TNRC18: variants seen among roughly 807,000 people sequenced by gnomAD.
TNRC18 encodes the protein trinucleotide repeat-containing gene 18 protein.
Under a neutral mutation model 226.7 loss-of-function variants are expected in TNRC18, and 69 were observed. The observed-to-expected ratio is 0.30, with a 90% confidence interval of 0.25 to 0.37. The LOEUF (loss-of-function observed/expected upper bound fraction) is 0.37, where lower values mean the gene tolerates loss of function less well. Ranked by LOEUF, TNRC18 falls within the 10% of genes least tolerant of loss-of-function variation. The probability of loss-of-function intolerance (pLI) is 1.00; values close to 1 mark genes in which losing one functional copy is unlikely to be tolerated. For synonymous variants in TNRC18, 2,449 were observed against 1,927.6 expected, an observed-to-expected ratio of 1.27 and a Z score of -7.09; for missense variants, 4,754 against 4,256.6, an observed-to-expected ratio of 1.12 and a Z score of -3.25.
At chr7:5,382,914 T>G (rs10281189) in intron 5 of TNRC18, among the ~76,000 whole-genome samples, 34,960 of 151,832 alleles carry the variant, frequency 0.23, 8,033 homozygotes, top group African/African-American at 0.6. Flanking sequence ...ATTTTTGGGG[T>G]GGGGGCAGGA....
At chr7:5,353,781 G>A (rs777629421) in intron 16 of TNRC18, among the ~76,000 whole-genome samples, 1 of 152,128 alleles carries the variant, frequency 6.6e-6, no homozygotes, top group Non-Finnish European at 1.5e-5. Context: ...GCAGAGCCAG[G>A]TGAATCCCAC....
rs1163999164 is a variant in TNRC18, at chr7:5,371,259, G to A, written c.3335C>T (p.Pro1112Leu). Reference sequence around the variant, plus strand: ...CCCATCAGCCGGGAGCGGCACATCAGGGGCCAAGCCGTCCGCGTCGGCGGC... The same window carrying A: ...CCCATCAGCCGGGAGCGGCACATCAAGGGCCAAGCCGTCCGCGTCGGCGGC... ...TAAADADGLA[P>L]DVPLPADGPE... is the part of the protein sequence containing the mutation. The change falls in exon 11 of 30, where the codon CCT (proline) becomes CTT (leucine). Residue 1112 changes from proline to leucine, a missense_variant. Pro to Leu is a moderately conservative substitution (Grantham distance 98). Transcript: ENST00000430969. The A allele has an allele frequency of 1.3e-6, 2 of 1,599,034 alleles. No individual in the cohort carries two copies. The highest frequency in any genetic ancestry group is 8.5e-7 in the Non-Finnish European group (1 of 1,171,514).
intron 5 of TNRC18, among the ~76,000 whole-genome samples, chr7:5,383,310 C>T (rs994912826): frequency 2.0e-5 from 3 of 152,154 alleles, no homozygotes; most frequent in Non-Finnish European, 4.4e-5. Context: ...GTCCAAGGCC[C>T]CCTGAGGCCA....
chr7:5,375,601 A>G (rs1445528763), intron 9 of TNRC18, among the ~76,000 whole-genome samples: 1 of 151,818 alleles, frequency 6.6e-6, no homozygotes, highest in Non-Finnish European at 1.5e-5. Flanking sequence ...TGTGTCCCCT[A>G]TCTTATGGGA....
At chr7:5,368,303 CTTTTTG>C in intron 11 of TNRC18, among the ~76,000 whole-genome samples, 1 of 130,666 alleles carries the variant, frequency 7.7e-6, no homozygotes. Context: ...CCCATCTCTA[CTTTTTG>C]TAAAAAAAAA....
At chr7:5,400,561 G>A (rs1486378288) in intron 2 of TNRC18, among the ~76,000 whole-genome samples, 10 of 152,074 alleles carry the variant, frequency 6.6e-5, no homozygotes, top group Non-Finnish European at 1.3e-4. Context: ...GCAGTGAGCC[G>A]AGATCACGCC....
chr7:5,321,184 C>T lies in TNRC18; in HGVS notation c.6449G>A (p.Arg2150His), dbSNP rs910024660. ...AVERPLTPAP[R>H]SCIIDKDELK... ...CTCATCCTTGTCGATGATGCAGGAGCGAGGGGCTGCAGGGGTTGGATCGTG... is the reference window on the plus strand; with the variant it reads ...CTCATCCTTGTCGATGATGCAGGAGTGAGGGGCTGCAGGGGTTGGATCGTG... Residue 2150 changes from arginine (R) to histidine (H), a missense_variant, in exon 22 of 30, where the codon CGC becomes CAC. Arg to His is a conservative substitution (Grantham distance 29). Transcript: ENST00000430969. 18 of 1,545,544 alleles carry T rather than the reference C, an allele frequency of 1.2e-5. No individual in the cohort carries two copies. The Admixed American group carries it at 2.0e-4, about 17-fold the overall frequency.
chr7:5,355,871 C>T (rs1057399722), intron 16 of TNRC18, among the ~76,000 whole-genome samples: 1 of 151,990 alleles, frequency 6.6e-6, no homozygotes, highest in African/African-American at 2.4e-5. Context: ...AGAAGAGACC[C>T]TGTCTCAAAA....
At position 5,322,089 on chromosome 7, in the gene TNRC18, C is replaced by CA. The variant is rs1274040048; in HGVS notation, c.6443-900_6443-899insT. 1.7e-4 allele frequency among the ~76,000 whole-genome samples: 26 copies of CA among 152,106 alleles called. No individual in the cohort carries two copies. In the East Asian group the frequency reaches 3.0e-3, roughly 17 times the overall value. ...GGTCAGAAGATCAAGACCATCCTAGCTAACATGGTGAAACCCTGTCTCTAC... is the reference window on the plus strand; with the variant it reads ...GGTCAGAAGATCAAGACCATCCTAGCATAACATGGTGAAACCCTGTCTCTAC... On this transcript the variant is annotated intron_variant, in intron 21 of 29. Transcript: ENST00000430969.
At chr7:5,419,342 C>A (rs1734941446) in intron 2 of TNRC18, among the ~76,000 whole-genome samples, 1 of 152,230 alleles carries the variant, frequency 6.6e-6, no homozygotes, top group Non-Finnish European at 1.5e-5. Context: ...CCCTTCCCAG[C>A]CTCGAAAAAG....
At chr7:5,409,459 G>A (rs137885949) in intron 2 of TNRC18, among the ~76,000 whole-genome samples, 3 of 146,388 alleles carry the variant, frequency 2.0e-5, no homozygotes, top group Non-Finnish European at 4.5e-5. Flanking sequence ...GCGTGGTGGC[G>A]CACCCCTGTA....
chr7:5,393,438 T>C (rs1206348584), intron 3 of TNRC18, among the ~76,000 whole-genome samples: 2 of 152,172 alleles, frequency 1.3e-5, no homozygotes, highest in Non-Finnish European at 2.9e-5. Flanking sequence ...TGAACCTGTC[T>C]CCTCCTGGGC....
At chr7:5,334,389 C>T (rs1246477142) in intron 18 of TNRC18, among the ~76,000 whole-genome samples, 2 of 151,742 alleles carry the variant, frequency 1.3e-5, no homozygotes, top group Non-Finnish European at 2.9e-5. Context: ...CTCCGCTTCC[C>T]GGGTTCATGC....
intron 2 of TNRC18, among the ~76,000 whole-genome samples, chr7:5,411,537 A>T (rs1344003771): frequency 6.6e-6 from 1 of 150,746 alleles, no homozygotes; most frequent in Non-Finnish European, 1.5e-5. Flanking sequence ...AAAAAAAAAA[A>T]TTCCTAGAGG....
chr7:5,396,367 A>G (rs1460012532), intron 2 of TNRC18, among the ~76,000 whole-genome samples: 3 of 151,996 alleles, frequency 2.0e-5, no homozygotes, highest in Non-Finnish European at 4.4e-5. Flanking sequence ...CAATATAATG[A>G]TAAATAATGA....
intron 2 of TNRC18, among the ~76,000 whole-genome samples, chr7:5,415,684 A>G (rs921984864): frequency 6.6e-6 from 1 of 151,528 alleles, no homozygotes; most frequent in African/African-American, 2.4e-5. Context: ...CCCAGCCTGC[A>G]TAAGACTCCA....
At position 5,370,855 on chromosome 7, in the gene TNRC18, C is replaced by A. The variant is rs747925690; in HGVS notation, c.3739G>T (p.Val1247Leu). ...EPCTAALDLG[V>L]QLTPETLVEA... ...ACCAGTGTCTCGGGTGTCAGCTGCA[C>A]CCCCAGGTCCAGGGCGGCGGTGCAG... Residue 1247 changes from valine to leucine, a missense_variant, in exon 11 of 30, where the codon GTG becomes TTG. Coordinates refer to ENST00000430969, the MANE Select transcript of TNRC18 (RefSeq NM_001080495.3). The A allele has an allele frequency of 1.3e-5, 21 of 1,608,734 alleles. No homozygotes were observed. In the Admixed American group the frequency reaches 3.3e-4, roughly 26 times the overall value.
intron 17 of TNRC18, among the ~76,000 whole-genome samples, chr7:5,351,480 C>T (rs1222330379): frequency 2.3e-3 from 18 of 7,988 alleles, no homozygotes; most frequent in African/African-American, 9.5e-3. Flanking sequence ...AACGTGAGTG[C>T]GGGGGTGGGG....
At chr7:5,393,880 ATTTT>A (rs1159253065) in intron 3 of TNRC18, among the ~76,000 whole-genome samples, 1 of 151,806 alleles carries the variant, frequency 6.6e-6, no homozygotes, top group African/African-American at 2.4e-5. Flanking sequence ...GCTCTGGGAA[ATTTT>A]TTTTGTGGAG....
Sources: allele counts gnomAD v4.1 joint callset (sites outside exome capture counted in the v4.1 genomes callset), GRCh38; gene constraint gnomAD v4.1.1; transcripts MANE v1.5; gene names NCBI Gene and HGNC (gene_info 2026-07-23, HGNC 2026-07-21).